Variants in RELL1 observed in about 807,000 individuals in gnomAD.
RELL1 encodes the protein RELT like 1.
A neutral mutation model predicts 23.0 loss-of-function variants in RELL1; 10 were observed. That is an observed-to-expected ratio of 0.43 (90% CI 0.27 to 0.74). The LOEUF is 0.74. RELL1 is among the 30% of genes least tolerant of loss of function. The probability of loss-of-function intolerance (pLI) is 0.19; values close to 1 mark genes in which losing one functional copy is unlikely to be tolerated. For synonymous variants in RELL1, 146 were observed against 146.8 expected (o/e 0.99, Z 0.04); for missense variants, 315 against 364.4 (o/e 0.86, Z 1.10).
At chr4:37,607,112 C>T (rs894239491), downstream of RELL1, among the ~76,000 whole-genome samples, 11 of 152,106 alleles carry the variant, frequency 7.2e-5, no homozygotes, top group African/African-American at 1.9e-4. Context: ...TCAGTACATT[C>T]GAGTGTCAAG....
At chr4:37,667,350 G>T (rs1721574015) in intron 1 of RELL1, among the ~76,000 whole-genome samples, 2 of 151,126 alleles carry the variant, frequency 1.3e-5, no homozygotes, top group South Asian at 2.1e-4. Context: ...ATTATTTCCA[G>T]CCCCATTTAA....
At chr4:37,651,112 T>C (rs1190036398) in intron 1 of RELL1, among the ~76,000 whole-genome samples, 2 of 152,046 alleles carry the variant, frequency 1.3e-5, no homozygotes, top group East Asian at 3.9e-4. Context: ...AAGTTAGCCT[T>C]ATATATGTTC....
At chr4:37,684,875 C>T (rs1458050706) in intron 1 of RELL1, among the ~76,000 whole-genome samples, 1 of 152,174 alleles carries the variant, frequency 6.6e-6, no homozygotes, top group Non-Finnish European at 1.5e-5. Context: ...ATCACTTGAA[C>T]CAGAGAGCTG....
chr4:37,626,636 T>G (rs1411985028), intron 6 of RELL1, among the ~76,000 whole-genome samples: 1 of 152,136 alleles, frequency 6.6e-6, no homozygotes. Context: ...GGAATCTTCC[T>G]AAGAGTCCCT....
intron 6 of RELL1, among the ~76,000 whole-genome samples, chr4:37,598,534 C>T (rs1718937383): frequency 6.6e-6 from 1 of 152,090 alleles, no homozygotes; most frequent in South Asian, 2.1e-4. Context: ...TGAATCATCT[C>T]ACTGAAGTCT....
intron 1 of RELL1, among the ~76,000 whole-genome samples, chr4:37,670,077 A>C (rs1242185920): frequency 6.6e-6 from 1 of 150,900 alleles, no homozygotes; most frequent in Non-Finnish European, 1.5e-5. Flanking sequence ...AAAAGAAAGA[A>C]AAAAAGGAAC....
chr4:37,590,164 G>A (rs111504567), downstream of RELL1: 14 of 1,614,016 alleles, frequency 8.7e-6, no homozygotes, highest in African/African-American at 4.0e-5. Flanking sequence ...AGATGAAGAC[G>A]ACACTGATAA....
chr4:37,635,175 G>A (rs760912509), intron 4 of RELL1, 52 bp from the exon 5 acceptor site: 22 of 1,369,834 alleles, frequency 1.6e-5, no homozygotes, highest in Middle Eastern at 1.8e-4. Context: ...AAATATCAGC[G>A]AAGGTGATCT....
At chr4:37,656,607 C>G (rs1721126228) in intron 1 of RELL1, among the ~76,000 whole-genome samples, 1 of 152,210 alleles carries the variant, frequency 6.6e-6, no homozygotes, top group Non-Finnish European at 1.5e-5. Flanking sequence ...CCCAATGTAA[C>G]AGTGTTGAGC....
chr4:37,663,205 C>G (rs1362763356), intron 1 of RELL1, among the ~76,000 whole-genome samples: 3 of 152,168 alleles, frequency 2.0e-5, no homozygotes, highest in African/African-American at 7.2e-5. Flanking sequence ...TTTCGCTGCC[C>G]CTCCTCCTTT....
downstream of RELL1, chr4:37,588,059 T>C (rs1251324929): frequency 6.6e-6 from 1 of 152,236 alleles, no homozygotes; most frequent in African/African-American, 2.4e-5. Context: ...TAGGATGTTC[T>C]GAGGAAGGAA....
intron 1 of RELL1, among the ~76,000 whole-genome samples, chr4:37,661,056 A>C (rs1312340683): frequency 6.6e-6 from 1 of 151,626 alleles, no homozygotes; most frequent in Middle Eastern, 3.2e-3. Flanking sequence ...AAAACAAAAA[A>C]CCACAAACAA....
At chr4:37,660,760 G>A (rs369796100) in intron 1 of RELL1, among the ~76,000 whole-genome samples, 39 of 152,256 alleles carry the variant, frequency 2.6e-4, no homozygotes, top group East Asian at 1.9e-3. Context: ...GGCCGGGCGC[G>A]GTGGCTCACG....
At chr4:37,629,098 T>A (rs551102733) in intron 6 of RELL1, among the ~76,000 whole-genome samples, 1 of 152,186 alleles carries the variant, frequency 6.6e-6, no homozygotes, top group Non-Finnish European at 1.5e-5. Context: ...AAGAGGATCA[T>A]CTTGCAGTTC....
chr4:37,649,533 ATC>A, intron 1 of RELL1, 33 bp from the exon 2 acceptor site: 11 of 1,578,686 alleles, frequency 7.0e-6, no homozygotes, highest in Non-Finnish European at 8.7e-6. Flanking sequence ...TGCATTAGAT[ATC>A]TGTCCAGGGC....
chr4:37,649,366 C>T lies in RELL1; in HGVS notation c.223G>A (p.Val75Ile), dbSNP rs772433786. ...TTCTTAAGCAGGTGGCAAATGAGGA[C>T]GCCAAAGAGACCCATGATAAAGAAC... ...PVFFIMGLFG[V>I]LICHLLKKKG... The change falls in exon 2 of 7, where the codon GTC becomes ATC. Residue 75 changes from valine (V) to isoleucine (I), a missense_variant. Physicochemically the swap from Val to Ile is conservative, Grantham distance 29 (BLOSUM62 3). Coordinates refer to ENST00000454158, the MANE Select transcript of RELL1 (RefSeq NM_001085400.2). 3.7e-5 allele frequency: 59 copies of T among 1,614,056 alleles called. No homozygotes were observed. The highest frequency in any genetic ancestry group is 4.4e-5 in the South Asian group (4 of 91,092).
chr4:37,650,305 G>T (rs565778872), intron 1 of RELL1, among the ~76,000 whole-genome samples: 1 of 152,284 alleles, frequency 6.6e-6, no homozygotes, highest in South Asian at 2.1e-4. Context: ...TTGGCCTGGG[G>T]TGCAAACATA....
chr4:37,590,080 T>C, downstream of RELL1: 1 of 1,604,088 alleles, frequency 6.2e-7, no homozygotes, highest in African/African-American at 1.3e-5. Flanking sequence ...TCATTGTCTT[T>C]CCTGAAGCTA....
At chr4:37,608,581 G>A (rs1167624505), downstream of RELL1, among the ~76,000 whole-genome samples, 1 of 151,906 alleles carries the variant, frequency 6.6e-6, no homozygotes, top group Non-Finnish European at 1.5e-5. Flanking sequence ...GCAGAAAAAA[G>A]GTAGGAAGCT....
Sources: allele counts gnomAD v4.1 joint callset (sites outside exome capture counted in the v4.1 genomes callset), GRCh38; gene constraint gnomAD v4.1.1; transcripts MANE v1.5; gene names NCBI Gene and HGNC (gene_info 2026-07-23, HGNC 2026-07-21).